Variants in ATP5F1C observed in about 807,000 individuals in gnomAD.
ATP5F1C encodes ATP synthase F1 subunit gamma.
ATP5F1C carries 22 observed loss-of-function variants against 37.4 expected under a neutral mutation model. The observed-to-expected ratio is 0.59, with a 90% CI of 0.42 to 0.84. The LOEUF is 0.84. ATP5F1C is among the 40% of genes least tolerant of loss of function. The pLI, the probability that ATP5F1C is intolerant of heterozygous loss-of-function variation, is 0.00. For missense variants in ATP5F1C, 286 were observed against 362.4 expected (o/e 0.79, Z 1.71); for synonymous variants, 121 against 128.0 (o/e 0.95, Z 0.37).
At chr10:7,799,299 T>C in intron 4 of ATP5F1C, 105 bp downstream of exon 4, 1 of 1,084,562 alleles carries the variant, frequency 9.2e-7, no homozygotes, top group Middle Eastern at 2.9e-4. Context: ...TAACAAGGTA[T>C]ATTCTTCAGG....
chr10:7,797,860 T>G (rs972936094), intron 3 of ATP5F1C, among the ~76,000 whole-genome samples: 1 of 152,242 alleles, frequency 6.6e-6, no homozygotes, highest in Non-Finnish European at 1.5e-5. Flanking sequence ...TTAATTAGTC[T>G]TCTTAATGGA....
chr10:7,800,969 T>C (rs1170681015), intron 6 of ATP5F1C, among the ~76,000 whole-genome samples: 1 of 152,254 alleles, frequency 6.6e-6, no homozygotes, highest in Non-Finnish European at 1.5e-5. Flanking sequence ...GAAACTGGCT[T>C]TGCAAGTTAT....
intron 1 of ATP5F1C, among the ~76,000 whole-genome samples, chr10:7,792,814 G>T (rs1040146375): frequency 3.3e-5 from 5 of 152,178 alleles, no homozygotes; most frequent in African/African-American, 2.4e-5. Flanking sequence ...TGCTTTACAT[G>T]CTCTTGTGTA....
rs139748242 is a variant in ATP5F1C at position 7,790,700 on chromosome 10, C to G, written c.56+2437C>G. ...TGAAGAGAGAGACTCTGTAGCCAGC[C>G]CTGAAGGGCTGCATTCAGACGGCAG... On this transcript the variant is annotated intron_variant, in intron 1 of 9. Transcript: ENST00000356708. Among the ~76,000 whole-genome samples, 674 of 152,248 alleles carry G rather than the reference C, an allele frequency of 4.4e-3. 3 individuals carry two copies. The highest frequency in any genetic ancestry group is 6.9e-3 in the Non-Finnish European group (470 of 68,014).
At chr10:7,791,742 A>G (rs1836167773) in intron 1 of ATP5F1C, among the ~76,000 whole-genome samples, 1 of 152,244 alleles carries the variant, frequency 6.6e-6, no homozygotes, top group Non-Finnish European at 1.5e-5. Context: ...AGAGAGTTCA[A>G]TTAGCTCATC....
chr10:7,807,576 TA>T, intron 9 of ATP5F1C, 82 bp from the exon 10 acceptor site: 1 of 1,471,770 alleles, frequency 6.8e-7, no homozygotes, highest in Non-Finnish European at 9.3e-7. Flanking sequence ...GTACCCCACT[TA>T]AATATGTATT....
At chr10:7,788,856 A>G (rs1836104783) in intron 1 of ATP5F1C, among the ~76,000 whole-genome samples, 1 of 151,708 alleles carries the variant, frequency 6.6e-6, no homozygotes, top group Admixed American at 6.6e-5. Flanking sequence ...GTTTTGGTGC[A>G]GAAGGGACCG....
intron 8 of ATP5F1C, among the ~76,000 whole-genome samples, chr10:7,805,430 A>C (rs1588504589): frequency 6.6e-6 from 1 of 152,090 alleles, no homozygotes; most frequent in Non-Finnish European, 1.5e-5. Context: ...AAAATTGAGG[A>C]CCAGCCTATT....
At chr10:7,799,940 C>A in intron 5 of ATP5F1C, 25 bp downstream of exon 5, 2 of 1,605,906 alleles carry the variant, frequency 1.2e-6, no homozygotes, top group Non-Finnish European at 1.7e-6. Context: ...GAAATCAAAG[C>A]TTTTTTATGT....
intron 7 of ATP5F1C, 94 bp downstream of exon 7, chr10:7,802,519 C>A: frequency 7.2e-7 from 1 of 1,398,260 alleles, no homozygotes. Flanking sequence ...GTAGCATCAA[C>A]AACATTAACA....
intron 8 of ATP5F1C, among the ~76,000 whole-genome samples, chr10:7,805,523 G>A (rs1007916789): frequency 2.6e-5 from 4 of 151,996 alleles, no homozygotes; most frequent in Non-Finnish European, 4.4e-5. Flanking sequence ...AGAGGTGGGC[G>A]GATCACAAGG....
intron 3 of ATP5F1C, 130 bp from the exon 4 acceptor site, chr10:7,798,860 C>A: frequency 1.2e-6 from 1 of 835,480 alleles, no homozygotes; most frequent in Non-Finnish European, 1.9e-6. Context: ...AGAACACCTG[C>A]TTACACTAGG....
At chr10:7,804,267 A>C in intron 8 of ATP5F1C, 1 of 510,060 alleles carries the variant, frequency 2.0e-6, no homozygotes, top group Non-Finnish European at 3.9e-6. Flanking sequence ...AAATAACAAA[A>C]TCCATTCTCT....
rs930770735 is a variant in ATP5F1C, at chr10:7,788,196, G to T, written c.-12G>T. 1 of 1,613,054 alleles carries T rather than the reference G, an allele frequency of 6.2e-7. No homozygotes were observed. Among genetic ancestry groups the T allele is most frequent in the Non-Finnish European group, 8.5e-7 (1 of 1,179,884 alleles). ...GCCTGCCTGACCGACCTTCAGCAGG[G>T]CTGTGGCTACCATGTTCTCTCGCGC... is the stretch of plus-strand genomic sequence containing the variant. On this transcript the variant is annotated 5_prime_UTR_variant, in exon 1 of 10. Coordinates refer to ENST00000356708, the MANE Select transcript of ATP5F1C (RefSeq NM_001001973.3).
intron 8 of ATP5F1C, among the ~76,000 whole-genome samples, chr10:7,805,746 C>CAAA (rs547312025): frequency 1.6e-4 from 14 of 89,810 alleles, no homozygotes; most frequent in Non-Finnish European, 2.6e-4. Flanking sequence ...GACTCCTTCT[C>CAAA]AAAAAAAAAA....
In ATP5F1C at chr10:7,788,359, G is replaced by T. The variant is rs1836088801; in HGVS notation, c.56+96G>T. On this transcript the variant is annotated intron_variant, in intron 1 of 9. Coordinates refer to ENST00000356708, the MANE Select transcript of ATP5F1C (RefSeq NM_001001973.3). ...GGAGATGGGCGCGGGGGCAGATGTGGGGTCGCAGGGCCTAGCTGGGCCCCT... is the reference window on the plus strand; with the variant it reads ...GGAGATGGGCGCGGGGGCAGATGTGTGGTCGCAGGGCCTAGCTGGGCCCCT... The T allele has an allele frequency of 2.0e-6, 3 of 1,494,526 alleles. No individual in the cohort carries two copies. The Admixed American group carries it at 5.7e-5, about 28-fold the overall frequency. The allele number at this position is 1,494,526 out of a possible 1,614,324, so 92.6% of individuals were successfully genotyped here.
chr10:7,799,958 TTTG>T, intron 5 of ATP5F1C, 43 bp downstream of exon 5: 2 of 1,605,920 alleles, frequency 1.2e-6, no homozygotes, highest in Non-Finnish European at 1.7e-6. Flanking sequence ...TGTTCATGCT[TTTG>T]TTCATATTTT....
rs757777839 is a variant in ATP5F1C at position 7,796,103 on chromosome 10, T to C, written c.57-18T>C. On this transcript the variant is annotated intron_variant, in intron 1 of 9. Transcript: ENST00000356708. ...ATTTTTCAAAAAACTGAAACATTTT[T>C]AAAACTTTTATCCTCAGGATTCAAG... The C allele has an allele frequency of 6.3e-7, 1 of 1,578,896 alleles. No individual in the cohort carries two copies. Among genetic ancestry groups the C allele is most frequent in the Non-Finnish European group, 8.6e-7 (1 of 1,167,528 alleles).
intron 1 of ATP5F1C, among the ~76,000 whole-genome samples, chr10:7,791,160 C>G (rs1370224343): frequency 6.6e-6 from 1 of 152,026 alleles, no homozygotes; most frequent in South Asian, 2.1e-4. Context: ...ATTACCCAGA[C>G]GTGGTGGTAC....
Sources: gnomAD v4.1 joint callset for allele counts (sites outside exome capture counted in the v4.1 genomes callset) on GRCh38, gnomAD v4.1.1 for gene constraint, MANE v1.5 for transcripts, NCBI Gene and HGNC (gene_info 2026-07-23, HGNC 2026-07-21) for gene names.